Variants in ANKHD1 observed in about 807,000 individuals in gnomAD.
The protein encoded by ANKHD1 is ankyrin repeat and KH domain containing 1, also known as ankyrin repeat and KH domain-containing protein 1.
Under a neutral mutation model 230.5 loss-of-function variants are expected in ANKHD1, and 31 were observed. The observed-to-expected ratio is 0.13, with a 90% confidence interval of 0.10 to 0.18. ANKHD1 has a LOEUF of 0.18. Among genes scored for constraint, ANKHD1 ranks in the 10% least tolerant of loss-of-function variants. The probability of loss-of-function intolerance (pLI) is 1.00; values close to 1 mark genes in which losing one functional copy is unlikely to be tolerated. For synonymous variants in ANKHD1, 1,074 were observed against 1,117.6 expected, an observed-to-expected ratio of 0.96 and a Z score of 0.78; for missense variants, 2,256 against 3,071.3, an observed-to-expected ratio of 0.73 and a Z score of 6.27.
chr5:140,512,607 CT>C (rs1172813984), intron 22 of ANKHD1, among the ~76,000 whole-genome samples: 2 of 151,964 alleles, frequency 1.3e-5, no homozygotes, highest in African/African-American at 4.8e-5. Flanking sequence ...TCTTTTATGC[CT>C]TTCTTTTTAT....
At chr5:140,460,517 A>T (rs1167839435) in intron 9 of ANKHD1, among the ~76,000 whole-genome samples, 2 of 151,890 alleles carry the variant, frequency 1.3e-5, no homozygotes, top group Non-Finnish European at 2.9e-5. Flanking sequence ...GTTAAACCAG[A>T]TTTTATTTTA....
rs1420592241 is a variant in ANKHD1, at chr5:140,485,192, C to T, written c.1942C>T (p.Leu648=). 6.2e-7 allele frequency: 1 copy of T among 1,613,772 alleles called. No homozygotes were observed. Among genetic ancestry groups the T allele is most frequent in the African/African-American group, 1.3e-5 (1 of 74,882 alleles). Residue 648 remains leucine, a synonymous_variant, in exon 12 of 34, where the codon CTG becomes TTG. Transcript: ENST00000360839. The surrounding 1 kb of genome is among the most constrained non-coding windows in gnomAD (Gnocchi z 4.8). ...GTCGCTGGCATGTGCAGGAGGCCAC[C>T]TGGCAGTTGTTGAGCTTCTCTTGGC... is the stretch of plus-strand genomic sequence containing the variant. ...VVSLACAGGH[L]AVVELLLAHG...
intron 5 of ANKHD1, among the ~76,000 whole-genome samples, chr5:140,442,033 CTTTTT>C (rs901282726): frequency 5.8e-5 from 5 of 86,924 alleles, no homozygotes; most frequent in Non-Finnish European, 8.7e-5. Context: ...ATAAGATATT[CTTTTT>C]TTTTTTTTTT....
chr5:140,452,358 C>T (rs985120833), intron 7 of ANKHD1, among the ~76,000 whole-genome samples: 1 of 152,210 alleles, frequency 6.6e-6, no homozygotes, highest in Non-Finnish European at 1.5e-5. Context: ...TGTCTGACAG[C>T]TTTGAAGAGA....
At chr5:140,495,118 GAT>G (rs1751967887) in intron 14 of ANKHD1, among the ~76,000 whole-genome samples, 1 of 152,068 alleles carries the variant, frequency 6.6e-6, no homozygotes, top group Non-Finnish European at 1.5e-5. Flanking sequence ...CTGCAGATTT[GAT>G]ATGAGTGGAA....
chr5:140,500,179 A>G (rs915964018), intron 15 of ANKHD1, among the ~76,000 whole-genome samples: 1 of 152,126 alleles, frequency 6.6e-6, no homozygotes, highest in Non-Finnish European at 1.5e-5. Context: ...AAAATTTTCA[A>G]TTCTAATATA....
rs929961572 is a variant in ANKHD1, at chr5:140,448,123, C to A, written c.1148-1088C>A. Among the ~76,000 whole-genome samples, 12 of 152,234 alleles carry A rather than the reference C, an allele frequency of 7.9e-5. 1 individual carries two copies. Among genetic ancestry groups the A allele is most frequent in the Admixed American group, 3.9e-4 (6 of 15,282 alleles). On this transcript the variant is annotated intron_variant, in intron 6 of 33. Transcript: ENST00000360839. The stretch of plus-strand genomic sequence containing the variant: ...GCTGAGGTGGACGGATCCCTTGAGC[C>A]TTGGAGTTTGAGGCTGCAGTGAGCT...
At chr5:140,442,776 A>G (rs1379557551) in intron 5 of ANKHD1, among the ~76,000 whole-genome samples, 1 of 152,208 alleles carries the variant, frequency 6.6e-6, no homozygotes, top group African/African-American at 2.4e-5. Flanking sequence ...ACTCTGTGGC[A>G]CAGAAATCAC....
chr5:140,477,527 A>G (rs1751033838), intron 10 of ANKHD1, among the ~76,000 whole-genome samples: 1 of 152,260 alleles, frequency 6.6e-6, no homozygotes, highest in South Asian at 2.1e-4. Context: ...CACATGGACT[A>G]CATTCTCTGA....
chr5:140,504,113 C>T (rs952229847), intron 15 of ANKHD1, among the ~76,000 whole-genome samples: 2 of 149,254 alleles, frequency 1.3e-5, no homozygotes, highest in East Asian at 4.0e-4. Flanking sequence ...AGGGCAGTGG[C>T]GTGATCTCAG....
chr5:140,437,066 A>G (rs1773503170), intron 2 of ANKHD1, among the ~76,000 whole-genome samples: 1 of 152,226 alleles, frequency 6.6e-6, no homozygotes, highest in African/African-American at 2.4e-5. Context: ...TTATGATAAT[A>G]TAAATACATG....
intron 8 of ANKHD1, 135 bp downstream of exon 8, chr5:140,458,997 C>CAT (rs529452262): frequency 0.039 from 1,229 of 31,490 alleles, 21 homozygotes; most frequent in South Asian, 0.056. Context: ...TATATATATG[C>CAT]ATATATATAT....
intron 29 of ANKHD1, among the ~76,000 whole-genome samples, chr5:140,533,111 G>T (rs1367307212): frequency 5.4e-5 from 8 of 147,764 alleles, no homozygotes; most frequent in Non-Finnish European, 4.4e-5. Flanking sequence ...AAAAAAAAAA[G>T]CTATCATGAT....
At chr5:140,430,652 C>CTTTTT (rs34643827) in intron 1 of ANKHD1, among the ~76,000 whole-genome samples, 2 of 114,706 alleles carry the variant, frequency 1.7e-5, no homozygotes, top group Non-Finnish European at 3.7e-5. Context: ...TGGTTTCCAT[C>CTTTTT]TTTTTTTTTT....
Position 140,428,647 on chromosome 5 carries a change from C to T in ANKHD1, c.307-7457C>T, listed in dbSNP as rs188170982. ...CGTGGAAAGAGAGGGAGAGGGAGACCGTGGGGAGAGGGAGAGGGCGAGGGC... is the reference window on the plus strand; with the variant it reads ...CGTGGAAAGAGAGGGAGAGGGAGACTGTGGGGAGAGGGAGAGGGCGAGGGC... On this transcript the variant is annotated intron_variant, in intron 1 of 33. Transcript: ENST00000360839. 3.3e-5 allele frequency among the ~76,000 whole-genome samples: 5 copies of T among 151,952 alleles called. No homozygotes were observed. The East Asian group carries it at 5.8e-4, about 18-fold the overall frequency.
In ANKHD1 at chr5:140,535,472, G is replaced by A. The variant is rs763476685; in HGVS notation, c.6961G>A (p.Val2321Ile). The A allele has an allele frequency of 2.5e-6, 4 of 1,613,472 alleles. No individual in the cohort carries two copies. The highest frequency in any genetic ancestry group is 2.5e-6 in the Non-Finnish European group (3 of 1,179,820). Residue 2321 changes from valine (V) to isoleucine (I), a missense_variant, in exon 30 of 34, where the codon GTT becomes ATT. Transcript: ENST00000360839. ...TRVFLQGPAP[V>I]GTPSFNRQHF... Reference sequence around the variant, plus strand: ...GGTTTTCCTGCAAGGGCCAGCTCCTGTTGGGACTCCTAGTTTCAACAGACA... The same window carrying A: ...GGTTTTCCTGCAAGGGCCAGCTCCTATTGGGACTCCTAGTTTCAACAGACA...
Position 140,528,651 on chromosome 5 carries a change from A to G in ANKHD1, c.5705A>G (p.Asn1902Ser), listed in dbSNP as rs530770496. The G allele has an allele frequency of 7.4e-6, 12 of 1,614,146 alleles. No individual in the cohort carries two copies. In the South Asian group the frequency reaches 1.2e-4, roughly 16 times the overall value. ...PVRPVNPGNT[N>S]SSPKHNNTSR... ...AGACCTGTGAATCCTGGCAACACAA[A>G]TAGCTCTCCAAAGCATAATAACACA... Residue 1902 changes from asparagine (N) to serine (S), a missense_variant, in exon 29 of 34, where the codon AAT becomes AGT. Physicochemically the swap from Asn to Ser is conservative, Grantham distance 46. Around this residue, in one of 13 missense-constraint regions of ANKHD1, gnomAD observed 778 missense variants for 966.5 expected, o/e 0.80. Transcript: ENST00000360839.
At chr5:140,426,202 T>G (rs534842080) in intron 1 of ANKHD1, among the ~76,000 whole-genome samples, 1 of 152,322 alleles carries the variant, frequency 6.6e-6, no homozygotes, top group Admixed American at 6.5e-5. Flanking sequence ...TGATCTTGGC[T>G]CACTGCAACT....
At chr5:140,420,069 C>T (rs1322008659) in intron 1 of ANKHD1, among the ~76,000 whole-genome samples, 1 of 145,064 alleles carries the variant, frequency 6.9e-6, no homozygotes, top group South Asian at 2.3e-4. Flanking sequence ...CATCATGGCT[C>T]ACTGCAGCCT....
Sources: allele counts gnomAD v4.1 joint callset (sites outside exome capture counted in the v4.1 genomes callset), GRCh38; gene constraint gnomAD v4.1.1; regional missense constraint gnomAD v4.1.1; non-coding constraint Gnocchi (gnomAD v3.1); transcripts MANE v1.5; gene names NCBI Gene and HGNC (gene_info 2026-07-23, HGNC 2026-07-21).